Variants in TLL2 observed in about 807,000 individuals in gnomAD.
TLL2 encodes tolloid like 2.
A neutral mutation model predicts 123.0 loss-of-function variants in TLL2; 106 were observed. The ratio of observed to expected loss-of-function variants is 0.86; its 90% CI spans 0.74 to 1.01. The LOEUF is 1.01. Ranked by LOEUF, TLL2 falls within the 50% of genes least tolerant of loss-of-function variation. The pLI is 0.00. For missense variants in TLL2, 1,332 were observed against 1,336.7 expected (o/e 1.00, Z 0.06); for synonymous variants, 494 against 516.8 (o/e 0.96, Z 0.60).
At chr10:96,497,151 G>A (rs1275957210) in intron 1 of TLL2, among the ~76,000 whole-genome samples, 5 of 151,870 alleles carry the variant, frequency 3.3e-5, no homozygotes, top group Non-Finnish European at 5.9e-5. Flanking sequence ...TTAGCCCAGC[G>A]TTGTGGTGCA....
chr10:96,383,752 C>A (rs1589407338), intron 16 of TLL2, among the ~76,000 whole-genome samples: 1 of 151,912 alleles, frequency 6.6e-6, no homozygotes, highest in East Asian at 1.9e-4. Context: ...TCACGAGTAG[C>A]TGGGATTACA....
chr10:96,421,678 A>T (rs1247145197), intron 6 of TLL2, among the ~76,000 whole-genome samples: 2 of 143,374 alleles, frequency 1.4e-5, no homozygotes, highest in East Asian at 2.0e-4. Flanking sequence ...AAAAAAAAAA[A>T]GTACAAAAAT....
At chr10:96,437,991 T>C (rs969540819) in intron 3 of TLL2, among the ~76,000 whole-genome samples, 1 of 152,236 alleles carries the variant, frequency 6.6e-6, no homozygotes, top group Non-Finnish European at 1.5e-5. Flanking sequence ...TTTATCACTC[T>C]GCCAATGCCA....
chr10:96,500,156 A>C lies in TLL2; in HGVS notation c.175+13355T>G, dbSNP rs933666601. Among the ~76,000 whole-genome samples, 14 of 151,078 alleles carry C rather than the reference A, an allele frequency of 9.3e-5. 1 individual carries two copies. In the East Asian group the frequency reaches 2.3e-3, roughly 25 times the overall value. ...AAAAAATCTCTACCAAAAAAAAAAA[A>C]AAAATACAAAAATTAGCCCGGTGTT... On this transcript the variant is annotated intron_variant, in intron 1 of 20. Coordinates refer to ENST00000357947, the MANE Select transcript of TLL2 (RefSeq NM_012465.4).
intron 3 of TLL2, among the ~76,000 whole-genome samples, chr10:96,436,506 T>C (rs568149485): frequency 1.3e-5 from 2 of 152,218 alleles, no homozygotes; most frequent in Non-Finnish European, 2.9e-5. Flanking sequence ...AGACTATGAA[T>C]TGTCATTTTC....
At chr10:96,433,101 G>C in intron 3 of TLL2, 139 bp from the exon 4 acceptor site, 1 of 1,157,794 alleles carries the variant, frequency 8.6e-7, no homozygotes, top group Non-Finnish European at 1.2e-6. Context: ...TTCAGGGTTT[G>C]GAAGCCCTGG....
chr10:96,443,284 G>A (rs956376986), intron 3 of TLL2, among the ~76,000 whole-genome samples: 2 of 152,180 alleles, frequency 1.3e-5, no homozygotes, highest in Non-Finnish European at 2.9e-5. Context: ...ACAGAACGTA[G>A]CAGAAGTAGC....
Position 96,513,763 on chromosome 10 carries a change from G to T in TLL2, c.-78C>A. 1 of 1,385,340 alleles carries T rather than the reference G, an allele frequency of 7.2e-7. No individual in the cohort carries two copies. Among genetic ancestry groups the T allele is most frequent in the Non-Finnish European group, 9.4e-7 (1 of 1,060,966 alleles). The allele number at this position is 1,385,340 out of a possible 1,614,324, so 85.8% of individuals were successfully genotyped here. On this transcript the variant is annotated 5_prime_UTR_variant, in exon 1 of 21. Transcript: ENST00000357947. Reference sequence around the variant, plus strand: ...TCGGCCGAAAGACGGCGCACACTGGGTCGGTCGGCTCCGGCCGGGACTCGG... The same window carrying T: ...TCGGCCGAAAGACGGCGCACACTGGTTCGGTCGGCTCCGGCCGGGACTCGG...
rs766117944 is a variant in TLL2 at position 96,405,238 on chromosome 10, G to A, written c.1261C>T (p.Leu421Phe). Residue 421 changes from leucine (L) to phenylalanine (F), a missense_variant, in exon 10 of 21, where the codon CTT becomes TTT. Coordinates refer to ENST00000357947, the MANE Select transcript of TLL2 (RefSeq NM_012465.4). ...GTGTCTAAAGTCAACTTACCCAAAA[G>A]GGGGGCTTTTCTCCAGTAACCATCC... Reference protein sequence around the residue: ...VRDGYWRKAPLLGRFCGDKIP... With the variant: ...VRDGYWRKAPFLGRFCGDKIP... 9.3e-6 allele frequency: 15 copies of A among 1,614,042 alleles called. No individual in the cohort carries two copies. The highest frequency in any genetic ancestry group is 1.7e-5 in the Admixed American group (1 of 60,018).
chr10:96,500,390 C>T lies in TLL2; in HGVS notation c.175+13121G>A, dbSNP rs539403968. Among the ~76,000 whole-genome samples, 10 of 152,234 alleles carry T rather than the reference C, an allele frequency of 6.6e-5. No homozygotes were observed. The East Asian group carries it at 1.5e-3, about 24-fold the overall frequency. ...GAAAAGGAGAATCAGAAGGCCTAAA[C>T]GCATTGGTACTTTTGACCCAGCAAT... On this transcript the variant is annotated intron_variant, in intron 1 of 20. Transcript: ENST00000357947.
chr10:96,418,616 G>A (rs1265496040), intron 7 of TLL2, among the ~76,000 whole-genome samples: 1 of 151,848 alleles, frequency 6.6e-6, no homozygotes, highest in Non-Finnish European at 1.5e-5. Flanking sequence ...AGAAGAGAAT[G>A]AGATAGTCTC....
intron 1 of TLL2, among the ~76,000 whole-genome samples, chr10:96,506,986 A>C (rs982733843): frequency 2.0e-5 from 3 of 152,104 alleles, no homozygotes; most frequent in Non-Finnish European, 1.5e-5. Flanking sequence ...CCTCATATAC[A>C]AAATGGCAGC....
chr10:96,463,084 T>G (rs77659600), intron 2 of TLL2, among the ~76,000 whole-genome samples: 1 of 152,202 alleles, frequency 6.6e-6, no homozygotes, highest in Non-Finnish European at 1.5e-5. Context: ...AAATAAATGT[T>G]TGCAAGTAGG....
intron 9 of TLL2, 66 bp downstream of exon 9, chr10:96,410,293 G>T: frequency 8.4e-7 from 1 of 1,190,164 alleles, no homozygotes; most frequent in Non-Finnish European, 1.2e-6. Flanking sequence ...TTAACAATAA[G>T]AACTCCTCCC....
At chr10:96,414,689 C>T (rs1462197409) in intron 7 of TLL2, among the ~76,000 whole-genome samples, 1 of 152,158 alleles carries the variant, frequency 6.6e-6, no homozygotes, top group East Asian at 1.9e-4. Context: ...TAACACCTCC[C>T]CTGGGCTGTC....
At chr10:96,510,648 A>G (rs780638563) in intron 1 of TLL2, among the ~76,000 whole-genome samples, 20 of 152,236 alleles carry the variant, frequency 1.3e-4, no homozygotes, top group Non-Finnish European at 2.2e-4. Context: ...TGATTTGCCC[A>G]AGGATACACA....
At chr10:96,395,789 C>T in intron 12 of TLL2, 86 bp downstream of exon 12, 1 of 1,539,174 alleles carries the variant, frequency 6.5e-7, no homozygotes, top group South Asian at 1.3e-5. Context: ...TGTTTTTAGC[C>T]AAAAATGAAA....
chr10:96,398,548 T>C lies in TLL2; in HGVS notation c.1268-1246A>G, dbSNP rs538521819. On this transcript the variant is annotated intron_variant, in intron 10 of 20. Coordinates refer to ENST00000357947, the MANE Select transcript of TLL2 (RefSeq NM_012465.4). ...AAAAAAAATTAATACATTTGTATTT[T>C]CTTAGACACTTGGGTGCATGGTCTG... Among the ~76,000 whole-genome samples the C allele has an allele frequency of 4.6e-5, 7 of 152,378 alleles. No homozygotes were observed. The South Asian group carries it at 1.4e-3, about 32-fold the overall frequency.
intron 1 of TLL2, among the ~76,000 whole-genome samples, chr10:96,502,611 C>A (rs1847545641): frequency 6.6e-6 from 1 of 152,132 alleles, no homozygotes; most frequent in South Asian, 2.1e-4. Flanking sequence ...AGTGTGGTAT[C>A]TGCACCCATG....
Sources: gnomAD v4.1 joint callset for allele counts (sites outside exome capture counted in the v4.1 genomes callset) on GRCh38, gnomAD v4.1.1 for gene constraint, MANE v1.5 for transcripts, NCBI Gene and HGNC (gene_info 2026-07-23, HGNC 2026-07-21) for gene names.